Variants in GTF3C1 observed in about 807,000 individuals in gnomAD.
GTF3C1 encodes general transcription factor 3C polypeptide 1.
GTF3C1 carries 57 observed loss-of-function variants against 226.7 expected under a neutral mutation model. The ratio of observed to expected loss-of-function variants is 0.25; its 90% CI spans 0.20 to 0.31. The LOEUF (loss-of-function observed/expected upper bound fraction) is 0.31. Among genes scored for constraint, GTF3C1 ranks in the 10% least tolerant of loss-of-function variants. The pLI is 1.00. For synonymous variants in GTF3C1, 1,090 were observed against 1,084.8 expected, an observed-to-expected ratio of 1.00 and a Z score of -0.09; for missense variants, 2,217 against 2,776.1, an observed-to-expected ratio of 0.80 and a Z score of 4.53.
At chr16:27,481,009 A>G in intron 27 of GTF3C1, 70 bp downstream of exon 27, 1 of 1,287,260 alleles carries the variant, frequency 7.8e-7, no homozygotes. Flanking sequence ...CCTGCTGATA[A>G]GGGAGACAGG....
At chr16:27,518,340 G>A (rs2088693847) in intron 6 of GTF3C1, among the ~76,000 whole-genome samples, 1 of 152,246 alleles carries the variant, frequency 6.6e-6, no homozygotes, top group African/African-American at 2.4e-5. Context: ...TCTGTCTGGT[G>A]TTAGCTTGCC....
rs1345925592 is a variant in GTF3C1 at position 27,501,225 on chromosome 16, C to T, written c.2027G>A (p.Arg676Gln). ...GATGCCATCTTGAATGACAGTGGTC[C>T]GATACAATCGCAAGAGACCTTCCTC... ...LSEEGLLRLYRTTVIQDGIKK... is the reference protein window; with the variant it reads ...LSEEGLLRLYQTTVIQDGIKK... Residue 676 changes from arginine (R) to glutamine (Q), a missense_variant, in exon 12 of 37, where the codon CGG becomes CAG. Coordinates refer to ENST00000356183, the MANE Select transcript of GTF3C1 (RefSeq NM_001520.4). 10 of 1,613,858 alleles carry T rather than the reference C, an allele frequency of 6.2e-6. No individual in the cohort carries two copies. Among genetic ancestry groups the T allele is most frequent in the South Asian group, 1.1e-5 (1 of 91,068 alleles).
intron 6 of GTF3C1, among the ~76,000 whole-genome samples, chr16:27,526,064 T>C (rs1289126641): frequency 6.6e-6 from 1 of 152,198 alleles, no homozygotes; most frequent in Admixed American, 6.5e-5. Context: ...TGGGCTTCCA[T>C]GAACAGGGAG....
At chr16:27,465,160 C>T (rs2087767037) in intron 33 of GTF3C1, 100 bp downstream of exon 33, 1 of 1,072,598 alleles carries the variant, frequency 9.3e-7, no homozygotes, top group South Asian at 1.4e-5. Flanking sequence ...AAGAACGCAG[C>T]ATGCTATGCC....
rs141095132 is a variant in GTF3C1 at position 27,508,673 on chromosome 16, C to T, written c.1127-18G>A. On this transcript the variant is annotated intron_variant, in intron 7 of 36. Transcript: ENST00000356183. Reference sequence around the variant, plus strand: ...GCGCTCAACTGTGAGAAACAATACACGTGAACCCAAACCGCTGCAAAGGAG... The same window carrying T: ...GCGCTCAACTGTGAGAAACAATACATGTGAACCCAAACCGCTGCAAAGGAG... 114 of 1,582,814 alleles carry T rather than the reference C, an allele frequency of 7.2e-5. 1 individual carries two copies. The African/African-American group carries it at 9.1e-4, about 13-fold the overall frequency.
chr16:27,464,487 T>G lies in GTF3C1; in HGVS notation c.5705A>C (p.Glu1902Ala), dbSNP rs2087752946. The change falls in exon 34 of 37, where the codon GAA becomes GCA. Residue 1902 changes from glutamate (E) to alanine (A), a missense_variant. Physicochemically the swap from Glu to Ala is moderately radical, Grantham distance 107 (BLOSUM62 -1). This residue lies in a region of GTF3C1 where 455 missense variants were observed against 441.9 expected (regional missense o/e 1.03). Coordinates refer to ENST00000356183, the MANE Select transcript of GTF3C1 (RefSeq NM_001520.4). ...TGGGGCCTGGGCTTCTGCCCCATCT[T>G]CAGCTCCGGGCCCAAGGCTGGGGGC... ...NLAPSLGPGA[E>A]DGAEAQAPSP... is the part of the protein sequence containing the mutation. 3 of 1,548,580 alleles carry G rather than the reference T, an allele frequency of 1.9e-6. No individual in the cohort carries two copies. The highest frequency in any genetic ancestry group is 1.4e-5 in the African/African-American group (1 of 71,900).
At chr16:27,484,079 C>A in intron 25 of GTF3C1, 132 bp downstream of exon 25, 1 of 703,604 alleles carries the variant, frequency 1.4e-6, no homozygotes, top group South Asian at 1.8e-5. Context: ...GGTCCATCTC[C>A]CCAGCAGACT....
In GTF3C1 at chr16:27,481,334, C is replaced by T. The variant is rs2088043713; in HGVS notation, c.4084-143G>A. The T allele has an allele frequency of 1.0e-5, 7 of 667,288 alleles. No homozygotes were observed. The East Asian group carries it at 1.9e-4, about 18-fold the overall frequency. 41.3% of individuals were successfully genotyped at this position (667,288 alleles called of 1,614,324 possible). A position where few individuals can be genotyped will look rare whatever the true frequency, so the allele number is the denominator to read the frequency against. ...CTGACCAGGTGCCTCCCCTGGTCACCTGTCATCTGTCACCTGTCATCTGAG... is the reference window on the plus strand; with the variant it reads ...CTGACCAGGTGCCTCCCCTGGTCACTTGTCATCTGTCACCTGTCATCTGAG... On this transcript the variant is annotated intron_variant, in intron 26 of 36. Transcript: ENST00000356183.
In GTF3C1 at chr16:27,492,309, C is replaced by T; in HGVS notation, c.3151+29G>A. ...GCACACAGAAAGGAGCAAAAGCAGC[C>T]AGGTTCAGCCGAGACAGCCGACACC... On this transcript the variant is annotated intron_variant, in intron 19 of 36. Coordinates refer to ENST00000356183, the MANE Select transcript of GTF3C1 (RefSeq NM_001520.4). This position sits in a 1 kb window ranked among gnomAD's most constrained non-coding sequence, Gnocchi z 5.0. 1 of 1,404,772 alleles carries T rather than the reference C, an allele frequency of 7.1e-7. No homozygotes were observed. The highest frequency in any genetic ancestry group is 1.2e-5 in the South Asian group (1 of 81,016). The allele number at this position is 1,404,772 out of a possible 1,614,324, so 87.0% of individuals were successfully genotyped here. A position where few individuals can be genotyped will look rare whatever the true frequency, so the allele number is the denominator to read the frequency against.
chr16:27,514,571 C>T (rs1188006239), intron 6 of GTF3C1, among the ~76,000 whole-genome samples: 2 of 152,084 alleles, frequency 1.3e-5, no homozygotes, highest in Non-Finnish European at 2.9e-5. Context: ...CCCCTCCCAA[C>T]CCCCATCCTA....
intron 25 of GTF3C1, 177 bp from the exon 26 acceptor site, chr16:27,483,302 C>G: frequency 2.9e-6 from 2 of 694,306 alleles, no homozygotes; most frequent in Non-Finnish European, 5.2e-6. Flanking sequence ...GTCAGCCAAG[C>G]CTGACCTCAG....
At chr16:27,498,137 C>T (rs568220459) in intron 13 of GTF3C1, among the ~76,000 whole-genome samples, 1 of 152,312 alleles carries the variant, frequency 6.6e-6, no homozygotes, top group South Asian at 2.1e-4. Context: ...AATTAACCAG[C>T]AACTGATTCA....
chr16:27,465,128 A>G, intron 33 of GTF3C1, 132 bp downstream of exon 33: 1 of 811,978 alleles, frequency 1.2e-6, no homozygotes, highest in Non-Finnish European at 2.0e-6. Flanking sequence ...TTCAAGTGTT[A>G]ATGACTAATT....
At chr16:27,489,524 G>C in intron 20 of GTF3C1, 78 bp downstream of exon 20, 5 of 1,185,180 alleles carry the variant, frequency 4.2e-6, no homozygotes, top group Non-Finnish European at 6.0e-6. Flanking sequence ...TCCTAAGCCA[G>C]ACAAGGGCGG....
intron 27 of GTF3C1, 80 bp downstream of exon 27, chr16:27,480,999 C>A: frequency 5.1e-6 from 6 of 1,176,554 alleles, no homozygotes; most frequent in Non-Finnish European, 6.4e-6. Context: ...GCTTCCCGGA[C>A]CTGCTGATAA....
In GTF3C1 at chr16:27,549,150, T is replaced by G. The variant is rs562759389; in HGVS notation, c.221+520A>C. Among the ~76,000 whole-genome samples, 3 of 151,902 alleles carry G rather than the reference T, an allele frequency of 2.0e-5. No homozygotes were observed. The South Asian group carries it at 6.3e-4, about 32-fold the overall frequency. ...TCCAGCCTGGGCCACAGAGAGAGAC[T>G]CTATCTCAAAAAAGAAAAAAAAGAA... On this transcript the variant is annotated intron_variant, in intron 1 of 36. Transcript: ENST00000356183.
At chr16:27,467,473 TG>T (rs2087801417) in intron 32 of GTF3C1, among the ~76,000 whole-genome samples, 1 of 152,270 alleles carries the variant, frequency 6.6e-6, no homozygotes. Flanking sequence ...CTGATGGAGA[TG>T]TTCAAGGAGA....
intron 6 of GTF3C1, among the ~76,000 whole-genome samples, chr16:27,521,542 G>C (rs71388096): frequency 6.6e-6 from 1 of 152,260 alleles, no homozygotes; most frequent in Non-Finnish European, 1.5e-5. Flanking sequence ...GCGGGGAAGA[G>C]GCCAGTTCCT....
rs781188949 is a variant in GTF3C1, at chr16:27,489,673, C to T, written c.3222G>A (p.Leu1074=). The T allele has an allele frequency of 2.5e-6, 4 of 1,612,064 alleles. No homozygotes were observed. The African/African-American group carries it at 4.0e-5, about 16-fold the overall frequency. The change falls in exon 20 of 37, where the codon CTG becomes CTA. Residue 1074 remains leucine, a synonymous_variant. Transcript: ENST00000356183. ...CCATGGCGCTCTCCTGCTCCTTCTG[C>T]AGGCTGCCCTCCTCGTCGCTGCCCT... ...TDQGSDEEGS[L]QKEQESAMDK...
Sources: allele counts gnomAD v4.1 joint callset (sites outside exome capture counted in the v4.1 genomes callset), GRCh38; gene constraint gnomAD v4.1.1; regional missense constraint gnomAD v4.1.1; non-coding constraint Gnocchi (gnomAD v3.1); transcripts MANE v1.5; gene names NCBI Gene and HGNC (gene_info 2026-07-23, HGNC 2026-07-21).